Variants in PCNX1 observed in about 807,000 individuals in gnomAD.
PCNX1 encodes the protein pecanex 1.
In PCNX1, 78 loss-of-function variants were observed where a neutral mutation model predicts 242.2. The ratio of observed to expected loss-of-function variants is 0.32; its 90% confidence interval spans 0.27 to 0.39. PCNX1 has a LOEUF of 0.39. PCNX1 is among the 10% of genes least tolerant of loss of function. PCNX1 has a pLI of 1.00. For missense variants in PCNX1, 2,581 were observed against 2,856.5 expected (o/e 0.90, Z 2.20); for synonymous variants, 1,024 against 1,032.9 (o/e 0.99, Z 0.17).
At chr14:71,008,173 G>A (rs939832568) in intron 8 of PCNX1, among the ~76,000 whole-genome samples, 8 of 151,880 alleles carry the variant, frequency 5.3e-5, no homozygotes, top group Non-Finnish European at 7.4e-5. Context: ...GGTTCTAGTC[G>A]TTTTAAAGAA....
chr14:71,060,422 A>G lies in PCNX1; in HGVS notation c.4852+2698A>G, dbSNP rs118173828. On this transcript the variant is annotated intron_variant, in intron 26 of 35. Transcript: ENST00000304743. ...TTAGAACAGTATGTCTTGTTATGCT[A>G]GTGGCAGACTCATACATCTCACATT... Among the ~76,000 whole-genome samples, 79 of 152,318 alleles carry G rather than the reference A, an allele frequency of 5.2e-4. 2 individuals are homozygous for G. In the East Asian group the frequency reaches 0.014, roughly 27 times the overall value.
At chr14:71,055,586 G>A in intron 25 of PCNX1, 24 bp downstream of exon 25, 1 of 1,488,706 alleles carries the variant, frequency 6.7e-7, no homozygotes, top group Admixed American at 1.7e-5. Flanking sequence ...TTGTGACTAA[G>A]GAGGCAAGAC....
intron 11 of PCNX1, among the ~76,000 whole-genome samples, chr14:71,013,692 A>G (rs924421709): frequency 6.6e-6 from 1 of 152,160 alleles, no homozygotes; most frequent in Non-Finnish European, 1.5e-5. Flanking sequence ...AGTACGTGAA[A>G]CAGTGGTTTT....
At chr14:71,085,206 G>T (rs1045729341) in intron 28 of PCNX1, among the ~76,000 whole-genome samples, 1 of 152,086 alleles carries the variant, frequency 6.6e-6, no homozygotes, top group Non-Finnish European at 1.5e-5. Context: ...CGATGAGCCG[G>T]GTACTTCAGT....
In PCNX1 at chr14:70,964,789, A is replaced by G. The variant is rs1215193797; in HGVS notation, c.468+2458A>G. On this transcript the variant is annotated intron_variant, in intron 3 of 35. Transcript: ENST00000304743. The stretch of plus-strand genomic sequence containing the variant: ...GTGCATGTTGTTAAACACACAGCAT[A>G]CCTTTTACTTAATAACTTTTTAATA... Among the ~76,000 whole-genome samples, 4 of 152,158 alleles carry G rather than the reference A, an allele frequency of 2.6e-5. No homozygotes were observed. In the East Asian group the frequency reaches 7.7e-4, roughly 29 times the overall value.
At position 71,078,148 on chromosome 14, in the gene PCNX1, A is replaced by G. The variant is rs4902876; in HGVS notation, c.5337+1729A>G. On this transcript the variant is annotated intron_variant, in intron 28 of 35. Coordinates refer to ENST00000304743, the MANE Select transcript of PCNX1 (RefSeq NM_014982.3). ...GGTCTGTTTTGTTTTCTACTCTTAC[A>G]ATCTGTTTAGAAAAAAATTATCAGT... 8.6e-3 allele frequency among the ~76,000 whole-genome samples: 1,315 copies of G among 152,268 alleles called. 26 individuals carry two copies. The highest frequency in any genetic ancestry group is 0.03 in the African/African-American group (1,240 of 41,534).
intron 1 of PCNX1, among the ~76,000 whole-genome samples, chr14:70,939,259 C>G (rs1398159983): frequency 2.0e-5 from 3 of 152,136 alleles, no homozygotes; most frequent in Admixed American, 6.6e-5. Flanking sequence ...GCTTTCTCTT[C>G]TGGACATTTA....
intron 19 of PCNX1, among the ~76,000 whole-genome samples, chr14:71,044,055 G>A (rs1008964795): frequency 5.9e-5 from 9 of 152,230 alleles, no homozygotes; most frequent in Non-Finnish European, 1.0e-4. Flanking sequence ...GGTTGTGCAC[G>A]GTAGTGTACT....
At chr14:71,098,694 A>G (rs112349060) in intron 30 of PCNX1, among the ~76,000 whole-genome samples, 4 of 152,196 alleles carry the variant, frequency 2.6e-5, no homozygotes, top group African/African-American at 7.2e-5. Flanking sequence ...TATCAGTTCC[A>G]GGAGCTTTTT....
chr14:70,992,335 G>T (rs1385678163), intron 7 of PCNX1, among the ~76,000 whole-genome samples: 1 of 152,106 alleles, frequency 6.6e-6, no homozygotes, highest in Non-Finnish European at 1.5e-5. Flanking sequence ...TAAAAAATCT[G>T]TAATACAATA....
intron 7 of PCNX1, among the ~76,000 whole-genome samples, chr14:70,994,403 A>ATATATG (rs1159342938): frequency 1.4e-4 from 6 of 41,444 alleles, no homozygotes; most frequent in South Asian, 5.6e-4. Flanking sequence ...TAAGATATAT[A>ATATATG]TATATATATA....
At chr14:71,087,376 A>G (rs777555985) in intron 28 of PCNX1, among the ~76,000 whole-genome samples, 1 of 152,240 alleles carries the variant, frequency 6.6e-6, no homozygotes, top group African/African-American at 2.4e-5. Flanking sequence ...CAAGTTAATG[A>G]TAATTAACCT....
chr14:70,934,504 A>T (rs1217848282), intron 1 of PCNX1, among the ~76,000 whole-genome samples: 1 of 151,660 alleles, frequency 6.6e-6, no homozygotes, highest in East Asian at 1.9e-4. Flanking sequence ...CTGGACTTGA[A>T]CTCCTGGGCT....
At chr14:71,036,718 CTTTG>C (rs2060546447) in intron 19 of PCNX1, among the ~76,000 whole-genome samples, 2 of 152,122 alleles carry the variant, frequency 1.3e-5, no homozygotes, top group East Asian at 1.9e-4. Flanking sequence ...AGGACTATAA[CTTTG>C]TTTGGACTTA....
At chr14:71,050,610 G>GTTTTT in intron 22 of PCNX1, 42 bp from the exon 23 acceptor site, 7 of 1,298,646 alleles carry the variant, frequency 5.4e-6, no homozygotes, top group South Asian at 2.9e-5. Context: ...TATCTGATAA[G>GTTTTT]TTTTTTTTTT....
chr14:71,046,807 G>A lies in PCNX1; in HGVS notation c.4019-157G>A, dbSNP rs140105849. 1,551 of 172,236 alleles carry A rather than the reference G, an allele frequency of 9.0e-3. 11 individuals carry two copies. The highest frequency in any genetic ancestry group is 0.017 in the South Asian group (90 of 5,214). The allele number at this position is 172,236 out of a possible 1,614,324, so 10.7% of individuals were successfully genotyped here. On this transcript the variant is annotated intron_variant, in intron 20 of 35. Transcript: ENST00000304743. Reference sequence around the variant, plus strand: ...AAGTTGCAAATTTGTAAGTATCTCAGAGCTCATAGAAGTTGACAGTTGATT... The same window carrying A: ...AAGTTGCAAATTTGTAAGTATCTCAAAGCTCATAGAAGTTGACAGTTGATT...
intron 3 of PCNX1, among the ~76,000 whole-genome samples, chr14:70,963,239 A>G (rs902949576): frequency 2.0e-5 from 3 of 152,128 alleles, no homozygotes; most frequent in Non-Finnish European, 4.4e-5. Context: ...ACATTTCTCA[A>G]GATTTTCAAA....
intron 15 of PCNX1, among the ~76,000 whole-genome samples, chr14:71,027,777 G>A (rs1214556960): frequency 6.6e-5 from 10 of 151,806 alleles, no homozygotes; most frequent in African/African-American, 1.9e-4. Flanking sequence ...AAAATTTTTT[G>A]AAGGGGTATG....
chr14:71,031,466 T>C (rs1566723340), intron 16 of PCNX1, among the ~76,000 whole-genome samples: 1 of 152,140 alleles, frequency 6.6e-6, no homozygotes, highest in Admixed American at 6.5e-5. Context: ...GGACCTTCCT[T>C]CCTGCCCTCC....
Sources: allele counts gnomAD v4.1 joint callset (sites outside exome capture counted in the v4.1 genomes callset), GRCh38; gene constraint gnomAD v4.1.1; transcripts MANE v1.5; gene names NCBI Gene and HGNC (gene_info 2026-07-23, HGNC 2026-07-21).